Variants in SHROOM2 observed in about 807,000 individuals in gnomAD.
The protein encoded by SHROOM2 is shroom family member 2.
In SHROOM2, 33 loss-of-function variants were observed where a neutral mutation model predicts 75.9. The observed-to-expected ratio is 0.43, with a 90% CI of 0.33 to 0.58. The LOEUF (loss-of-function observed/expected upper bound fraction) is 0.58, where lower values mean the gene tolerates loss of function less well. Ranked by LOEUF, SHROOM2 falls within the 20% of genes least tolerant of loss-of-function variation. The probability of loss-of-function intolerance (pLI) is 0.04; values close to 1 mark genes in which losing one functional copy is unlikely to be tolerated. For synonymous variants in SHROOM2, 655 were observed against 663.6 expected (o/e 0.99, Z 0.20); for missense variants, 1,434 against 1,461.2 (o/e 0.98, Z 0.30).
intron 1 of SHROOM2, among the ~76,000 whole-genome samples, chrX:9,855,839 C>T (rs1002186286): frequency 9.0e-6 from 1 of 110,881 alleles, no homozygotes; most frequent in Non-Finnish European, 1.9e-5. Flanking sequence ...ATGACTAATT[C>T]GGGTTTTAAC....
chrX:9,887,004 A>G (rs1163848582), intron 2 of SHROOM2, among the ~76,000 whole-genome samples: 1 of 112,565 alleles, frequency 8.9e-6, no homozygotes, highest in Admixed American at 9.4e-5. Context: ...TCCGATTTCA[A>G]CAGAATGATT....
At chrX:9,810,195 G>T (rs2083784712) in intron 1 of SHROOM2, among the ~76,000 whole-genome samples, 1 of 110,837 alleles carries the variant, frequency 9.0e-6, no homozygotes, top group African/African-American at 3.3e-5. Context: ...TATTCCCTTT[G>T]CCTTCAGCAA....
chrX:9,882,105 G>A (rs73474569), intron 2 of SHROOM2, among the ~76,000 whole-genome samples: 13,192 of 107,677 alleles, frequency 0.12, 1,871 homozygotes, highest in African/African-American at 0.4. Context: ...TTCCCTTTGC[G>A]TCTATTTACA....
Position 9,947,143 on chromosome X carries a change from A to G in SHROOM2, c.*206A>G. 1 of 442,081 alleles carries G rather than the reference A, an allele frequency of 2.3e-6. No homozygotes were observed. 36.4% of individuals were successfully genotyped at this position (442,081 alleles called of 1,213,427 possible). A position where few individuals can be genotyped will look rare whatever the true frequency, so the allele number is the denominator to read the frequency against. On this transcript the variant is annotated 3_prime_UTR_variant, in exon 10 of 10. Transcript: ENST00000380913. ...GTTTCCCCTTTGATTGCTGAGAGCC[A>G]TTTTCCTTTACACATAACTACACCT...
chrX:9,848,931 A>G, intron 1 of SHROOM2, among the ~76,000 whole-genome samples: 1 of 111,247 alleles, frequency 9.0e-6, no homozygotes. Flanking sequence ...TTGTTCACCT[A>G]AAGGGCCAGA....
chrX:9,792,018 A>G lies in SHROOM2; in HGVS notation c.165+5308A>G, dbSNP rs1350175953. Among the ~76,000 whole-genome samples, 21 of 2,050 alleles carry G rather than the reference A, an allele frequency of 0.01. No individual in the cohort carries two copies. The South Asian group carries it at 0.25, about 24-fold the overall frequency. The allele number at this position is 2,050 out of a possible 115,157, so 1.8% of individuals were successfully genotyped here. On this transcript the variant is annotated intron_variant, in intron 1 of 9. Transcript: ENST00000380913. Reference sequence around the variant, plus strand: ...ATAGAATAGAATAGAATAGAATAGAATAGAATAGAATAGAATAGAATAGAA... The same window carrying G: ...ATAGAATAGAATAGAATAGAATAGAGTAGAATAGAATAGAATAGAATAGAA...
intron 1 of SHROOM2, among the ~76,000 whole-genome samples, chrX:9,801,232 G>T (rs1371556639): frequency 8.9e-6 from 1 of 111,924 alleles, no homozygotes; most frequent in Non-Finnish European, 1.9e-5. Flanking sequence ...AGAACAGTAT[G>T]GGGGAAACTG....
Position 9,932,774 on chromosome X carries a change from C to A in SHROOM2, c.3491C>A (p.Ala1164Asp). 8.3e-7 allele frequency: 1 copy of A among 1,210,367 alleles called. No individual in the cohort carries two copies. ...CAGCAGCACCTGCGCCTGCAGACGG[C>A]CACCATGGAGACCTCGCGCTCCCCC... ...PKQQHLRLQT[A>D]TMETSRSPSP... Residue 1164 changes from alanine (A) to aspartate (D), a missense_variant, in exon 6 of 10, where the codon GCC (alanine) becomes GAC (aspartate). By Grantham distance (126) the Ala-to-Asp change is moderately radical (BLOSUM62 -2). Coordinates refer to ENST00000380913, the MANE Select transcript of SHROOM2 (RefSeq NM_001649.4).
chrX:9,874,299 T>C (rs913556001), intron 2 of SHROOM2, among the ~76,000 whole-genome samples: 1 of 111,959 alleles, frequency 8.9e-6, no homozygotes, highest in African/African-American at 3.3e-5. Context: ...GGAGCTTGGA[T>C]GGTTTTAAGA....
intron 1 of SHROOM2, among the ~76,000 whole-genome samples, chrX:9,822,326 G>A (rs1212003657): frequency 9.0e-6 from 1 of 111,665 alleles, no homozygotes; most frequent in Admixed American, 9.5e-5. Context: ...TGCAGTGGGG[G>A]AGGTGGGCAG....
chrX:9,829,751 A>G (rs960437219), intron 1 of SHROOM2, among the ~76,000 whole-genome samples: 3 of 111,906 alleles, frequency 2.7e-5, no homozygotes, highest in African/African-American at 6.5e-5. Context: ...TCAGATTGAA[A>G]ACAGAACTCA....
In SHROOM2 at chrX:9,944,547, G is replaced by A. The variant is rs112530136; in HGVS notation, c.4312-94G>A. On this transcript the variant is annotated intron_variant, in intron 8 of 9. Coordinates refer to ENST00000380913, the MANE Select transcript of SHROOM2 (RefSeq NM_001649.4). ...CACGCAGGTCAGCTGCACCTTTCAC[G>A]TAGGTGCGCCAAGGTGGCAGTGAGC... 9.4e-4 allele frequency: 873 copies of A among 930,242 alleles called. 7 individuals carry two copies. In the African/African-American group the frequency reaches 0.01, roughly 11 times the overall value. 76.7% of individuals were successfully genotyped at this position (930,242 alleles called of 1,213,427 possible).
Position 9,932,402 on chromosome X carries a change from C to G in SHROOM2, c.3119C>G (p.Pro1040Arg). ...LGPRAQSPGS[P>R]LHARGQDSWP... ...CCCCGAGCCCAGAGCCCTGGCTCAC[C>G]CCTGCATGCTCGAGGACAAGACTCG... The change falls in exon 6 of 10, where the codon CCC (proline) becomes CGC (arginine). Residue 1040 changes from proline (P) to arginine (R), a missense_variant. Pro to Arg is a moderately radical substitution (Grantham distance 103). Transcript: ENST00000380913. The G allele has an allele frequency of 1.7e-6, 2 of 1,208,805 alleles. No individual in the cohort carries two copies. Among genetic ancestry groups the G allele is most frequent in the Non-Finnish European group, 2.2e-6 (2 of 893,839 alleles).
At chrX:9,796,205 T>G (rs1347323010) in intron 1 of SHROOM2, among the ~76,000 whole-genome samples, 3 of 110,911 alleles carry the variant, frequency 2.7e-5, no homozygotes, top group Admixed American at 9.7e-5. Flanking sequence ...GGAGGATTGC[T>G]TGAGCCCAGG....
intron 1 of SHROOM2, among the ~76,000 whole-genome samples, chrX:9,843,398 CTT>C (rs371798781): frequency 5.9e-5 from 6 of 101,887 alleles, no homozygotes; most frequent in Admixed American, 3.2e-4. Context: ...AACCACATGA[CTT>C]TTTTTTTTTT....
Position 9,896,041 on chromosome X carries a change from G to A in SHROOM2, c.2133G>A (p.Pro711=), listed in dbSNP as rs750163606. The part of the protein sequence containing the change: ...DLDPNPGDLY[P]ESLEHRMGDP... ...ACCCCAACCCAGGAGACCTATACCC[G>A]GAGTCACTGGAACACCGGATGGGGG... Residue 711 remains proline, a synonymous_variant, in exon 4 of 10, where the codon CCG becomes CCA. Transcript: ENST00000380913. 9.9e-6 allele frequency: 12 copies of A among 1,209,327 alleles called. No homozygotes were observed. In the East Asian group the frequency reaches 1.2e-4, roughly 12 times the overall value.
chrX:9,846,526 A>G (rs949268647), intron 1 of SHROOM2, among the ~76,000 whole-genome samples: 1 of 110,853 alleles, frequency 9.0e-6, no homozygotes, highest in African/African-American at 3.3e-5. Flanking sequence ...CAATCTCCTG[A>G]CCTCGTGATC....
chrX:9,886,626 A>G (rs2084262474), intron 2 of SHROOM2, among the ~76,000 whole-genome samples: 1 of 109,848 alleles, frequency 9.1e-6, no homozygotes, highest in South Asian at 4.0e-4. Flanking sequence ...CCCCCTGGCA[A>G]CCACCATTCT....
chrX:9,818,355 C>T (rs781395099), intron 1 of SHROOM2: 50 of 250,203 alleles, frequency 2.0e-4, no homozygotes, highest in African/African-American at 1.3e-3. Flanking sequence ...TCTTCTTCAC[C>T]ACCAGAAGAT....
Sources: allele counts gnomAD v4.1 joint callset (sites outside exome capture counted in the v4.1 genomes callset), GRCh38; gene constraint gnomAD v4.1.1; transcripts MANE v1.5; gene names NCBI Gene and HGNC (gene_info 2026-07-23, HGNC 2026-07-21).